The following SEMA4C variants were observed in gnomAD, a reference collection of about 807,000 sequenced individuals.
SEMA4C encodes semaphorin 4C, also known as semaphorin-4C.
SEMA4C carries 19 observed loss-of-function variants against 89.0 expected under a neutral mutation model. The ratio of observed to expected loss-of-function variants is 0.21; its 90% confidence interval spans 0.15 to 0.31. The LOEUF (loss-of-function observed/expected upper bound fraction) is 0.31. Ranked by LOEUF, SEMA4C falls within the 10% of genes least tolerant of loss-of-function variation. The probability of loss-of-function intolerance (pLI) is 1.00; values close to 1 mark genes in which losing one functional copy is unlikely to be tolerated. For synonymous variants in SEMA4C, 428 were observed against 472.7 expected, an observed-to-expected ratio of 0.91 and a Z score of 1.23; for missense variants, 811 against 1,107.0, an observed-to-expected ratio of 0.73 and a Z score of 3.79.
rs1480519200 is a variant in SEMA4C at position 96,865,650 on chromosome 2, G to A, written c.420+16C>T. On this transcript the variant is annotated intron_variant, in intron 5 of 14. Transcript: ENST00000305476. ...GCGGGGGGCTGGGGACACCGAGGTA[G>A]GAGGGCAGCACTCACGACGTAGGTG... is the stretch of plus-strand genomic sequence containing the variant. 1 of 1,612,360 alleles carries A rather than the reference G, an allele frequency of 6.2e-7. No individual in the cohort carries two copies.
In SEMA4C at chr2:96,863,796, T is replaced by TG. The variant is rs747135851; in HGVS notation, c.1331-3dup. 5.6e-6 allele frequency: 9 copies of TG among 1,613,474 alleles called. No individual in the cohort carries two copies. Among genetic ancestry groups the TG allele is most frequent in the Middle Eastern group, 1.6e-4 (1 of 6,084 alleles). On this transcript the variant is annotated splice_region_variant and splice_polypyrimidine_tract_variant and intron_variant, in intron 11 of 14. Transcript: ENST00000305476. ...CAGCCTTGAGCAGCCAGCCGTCTCC[T>TG]GGGGGGTGCAGAGGAGAAGGTGTAA...
In SEMA4C at chr2:96,867,913, G is replaced by A; in HGVS notation, c.-27C>T. On this transcript the variant is annotated 5_prime_UTR_variant, in exon 2 of 15. Transcript: ENST00000305476. ...GCGCACGCCCCGGCTCTGAGCTTCAGGCCAGCTGTCCTGCTGAGGGAAAAG... is the reference window on the plus strand; with the variant it reads ...GCGCACGCCCCGGCTCTGAGCTTCAAGCCAGCTGTCCTGCTGAGGGAAAAG... The A allele has an allele frequency of 6.2e-7, 1 of 1,613,284 alleles. No homozygotes were observed. Among genetic ancestry groups the A allele is most frequent in the Non-Finnish European group, 8.5e-7 (1 of 1,179,992 alleles).
At position 96,864,386 on chromosome 2, in the gene SEMA4C, TCA is replaced by T; in HGVS notation, c.963-6_963-5del. On this transcript the variant is annotated splice_region_variant and splice_polypyrimidine_tract_variant and intron_variant, in intron 9 of 14. Transcript: ENST00000305476. This position sits in a 1 kb window ranked among gnomAD's most constrained non-coding sequence, Gnocchi z 6.3. ...GGCCGACAGGTACATGTCACCCCTG[TCA>T]CAGCGAGAGGGAGCCCAGGGTCAGG... 6.2e-7 allele frequency: 1 copy of T among 1,613,220 alleles called. No individual in the cohort carries two copies. Among genetic ancestry groups the T allele is most frequent in the Non-Finnish European group, 8.5e-7 (1 of 1,179,972 alleles).
Position 96,860,699 on chromosome 2 carries a change from G to T in SEMA4C, c.2429C>A (p.Ala810Glu), listed in dbSNP as rs1321069191. The part of the protein sequence containing the change: ...GGLGHPLPEL[A>E]DELRRKLQQR... ...CTGCAGTTTGCGTCTCAGTTCATCC[G>T]CGAGCTCAGGCAGGGGGTGCCCGAG... Residue 810 changes from alanine to glutamate, a missense_variant, in exon 15 of 15, where the codon GCG becomes GAG. By Grantham distance (107) the Ala-to-Glu change is moderately radical. Coordinates refer to ENST00000305476, the MANE Select transcript of SEMA4C (RefSeq NM_017789.5). 6.2e-7 allele frequency: 1 copy of T among 1,613,406 alleles called. No homozygotes were observed. The highest frequency in any genetic ancestry group is 8.5e-7 in the Non-Finnish European group (1 of 1,179,980).
chr2:96,869,866 C>T lies in SEMA4C; in HGVS notation c.-38+10G>A. 1 of 985,792 alleles carries T rather than the reference C, an allele frequency of 1.0e-6. No homozygotes were observed. The highest frequency in any genetic ancestry group is 1.2e-6 in the Non-Finnish European group (1 of 830,154). 61.1% of individuals were successfully genotyped at this position (985,792 alleles called of 1,614,324 possible). ...CGGCTCCAGCCTCACGCAAGCCCGG[C>T]CTCGCTCACCTATTGCGCGCAGCTC... On this transcript the variant is annotated intron_variant, in intron 1 of 14. Transcript: ENST00000305476.
chr2:96,861,657 G>C lies in SEMA4C; in HGVS notation c.1602-8C>G, dbSNP rs756724503. ...TGCTGGATCAGTAGAGATCTGGTAG[G>C]GGATGTAGGGTACATCAGCAGCCTG... On this transcript the variant is annotated splice_region_variant and splice_polypyrimidine_tract_variant and intron_variant, in intron 13 of 14. Coordinates refer to ENST00000305476, the MANE Select transcript of SEMA4C (RefSeq NM_017789.5). The surrounding 1 kb of genome is among the most constrained non-coding windows in gnomAD (Gnocchi z 7.8). 4.4e-6 allele frequency: 7 copies of C among 1,584,340 alleles called. No homozygotes were observed. The South Asian group carries it at 8.1e-5, about 18-fold the overall frequency.
intron 3 of SEMA4C, 150 bp downstream of exon 3, chr2:96,866,133 G>A (rs1318263766): frequency 7.6e-6 from 9 of 1,187,782 alleles, no homozygotes; most frequent in East Asian, 2.4e-5. Context: ...GAGGAATGCC[G>A]CATGCTGACC....
intron 12 of SEMA4C, chr2:96,863,278 T>G (rs1014344748): frequency 2.1e-5 from 21 of 1,015,932 alleles, no homozygotes; most frequent in Non-Finnish European, 2.2e-5. Flanking sequence ...GTCACGGAAA[T>G]GGGGGCTGGA....
intron 1 of SEMA4C, chr2:96,869,555 G>A (rs1207624016): frequency 1.0e-6 from 1 of 985,192 alleles, no homozygotes; most frequent in African/African-American, 1.7e-5. Flanking sequence ...TCCATCGGGG[G>A]TGGGAGCGCC....
intron 2 of SEMA4C, 76 bp downstream of exon 2, chr2:96,867,702 A>T (rs2153365423): frequency 7.1e-7 from 1 of 1,409,562 alleles, no homozygotes; most frequent in Non-Finnish European, 9.9e-7. Context: ...ACACGTGAGA[A>T]TAAAGCCAGC....
At position 96,861,057 on chromosome 2, in the gene SEMA4C, G is replaced by A. The variant is rs746106575; in HGVS notation, c.2071C>T (p.Arg691Trp). Residue 691 changes from arginine (R) to tryptophan (W), a missense_variant, in exon 15 of 15, where the codon CGG becomes TGG. Around this residue, in one of 4 missense-constraint regions of SEMA4C, gnomAD observed 248 missense variants for 269.0 expected, o/e 0.92. Transcript: ENST00000305476. The surrounding 1 kb of genome is among the most constrained non-coding windows in gnomAD (Gnocchi z 7.8). ...LLVLSLRRRLREELEKGAKAT... is the reference protein window; with the variant it reads ...LLVLSLRRRLWEELEKGAKAT... ...TTGGCCCCTTTCTCCAGCTCTTCCC[G>A]CAGCCGCCGGCGCAATGACAGCACC... 12 of 1,612,542 alleles carry A rather than the reference G, an allele frequency of 7.4e-6. No individual in the cohort carries two copies. Among genetic ancestry groups the A allele is most frequent in the Non-Finnish European group, 9.3e-6 (11 of 1,179,942 alleles).
In SEMA4C at chr2:96,868,771, G is replaced by A. The variant is rs565100624; in HGVS notation, c.-37-848C>T. ...GGAGGTAGGGGCGGGGACGCGAGGG[G>A]GTTCCTCCCGGGCCGCTGGCAACGC... On this transcript the variant is annotated intron_variant, in intron 1 of 14. Transcript: ENST00000305476. 7.2e-5 allele frequency: 71 copies of A among 985,282 alleles called. 1 individual carries two copies. In the South Asian group the frequency reaches 3.0e-3, roughly 41 times the overall value. The allele number at this position is 985,282 out of a possible 1,614,324, so 61.0% of individuals were successfully genotyped here.
Position 96,864,492 on chromosome 2 carries a change from C to A in SEMA4C, c.963-110G>T. The A allele has an allele frequency of 6.7e-7, 1 of 1,502,548 alleles. No homozygotes were observed. Among genetic ancestry groups the A allele is most frequent in the Non-Finnish European group, 9.0e-7 (1 of 1,108,576 alleles). The allele number at this position is 1,502,548 out of a possible 1,614,324, so 93.1% of individuals were successfully genotyped here. A position where few individuals can be genotyped will look rare whatever the true frequency, so the allele number is the denominator to read the frequency against. ...GCCTGGCACAAACTGGCCATGGGTA[C>A]CAGAATGCCCTGGCAGCTCAAGTGC... On this transcript the variant is annotated intron_variant, in intron 9 of 14. Transcript: ENST00000305476. The surrounding 1 kb of genome is among the most constrained non-coding windows in gnomAD (Gnocchi z 6.3).
Position 96,865,554 on chromosome 2 carries a change from A to G in SEMA4C, c.421-17T>C. Reference sequence around the variant, plus strand: ...GAGCATGTTCTAAGGACAGAGAGAGAGGTGATGAGGAGATGCTTAAGGGCA... The same window carrying G: ...GAGCATGTTCTAAGGACAGAGAGAGGGGTGATGAGGAGATGCTTAAGGGCA... On this transcript the variant is annotated splice_polypyrimidine_tract_variant and intron_variant, in intron 5 of 14. Coordinates refer to ENST00000305476, the MANE Select transcript of SEMA4C (RefSeq NM_017789.5). The G allele has an allele frequency of 7.6e-6, 12 of 1,581,116 alleles. No homozygotes were observed. The highest frequency in any genetic ancestry group is 1.0e-5 in the Non-Finnish European group (12 of 1,159,000).
Position 96,865,815 on chromosome 2 carries a change from A to C in SEMA4C, c.322-51T>G. On this transcript the variant is annotated intron_variant, in intron 4 of 14. Coordinates refer to ENST00000305476, the MANE Select transcript of SEMA4C (RefSeq NM_017789.5). ...GTGAGAGCGCGAGGGCCAGAATGGG[A>C]GGAGACGTCCTGGGGTGAAGGCAGC... The C allele has an allele frequency of 2.5e-6, 4 of 1,613,466 alleles. No individual in the cohort carries two copies. In the South Asian group the frequency reaches 4.4e-5, roughly 18 times the overall value.
At chr2:96,868,037 C>G (rs2080121103) in intron 1 of SEMA4C, 114 bp from the exon 2 acceptor site, 2 of 1,362,610 alleles carry the variant, frequency 1.5e-6, no homozygotes, top group African/African-American at 2.9e-5. Context: ...GCCCCGGTGC[C>G]CTCCTTCCCC....
chr2:96,869,448 AC>A (rs1387503925), intron 1 of SEMA4C: 1 of 642,864 alleles, frequency 1.6e-6, no homozygotes, highest in Admixed American at 6.9e-5. Context: ...TTCCGGGACA[AC>A]CCGCCTCCCC....
chr2:96,870,079 C>T lies in SEMA4C; in HGVS notation c.-241G>A. 1.0e-6 allele frequency: 1 copy of T among 968,624 alleles called. No homozygotes were observed. Among genetic ancestry groups the T allele is most frequent in the Non-Finnish European group, 1.2e-6 (1 of 814,602 alleles). The allele number at this position is 968,624 out of a possible 1,614,324, so 60.0% of individuals were successfully genotyped here. ...ACCACGGCGGGCGCCGGCTCTTTCT[C>T]CAGCGCGGCCGCGGCTCTCCGCCCC... is the stretch of plus-strand genomic sequence containing the variant. On this transcript the variant is annotated 5_prime_UTR_variant, in exon 1 of 15. Transcript: ENST00000305476.
chr2:96,862,059 A>T (rs2079959439), intron 12 of SEMA4C, 165 bp from the exon 13 acceptor site: 3 of 733,212 alleles, frequency 4.1e-6, no homozygotes, highest in Non-Finnish European at 6.5e-6. Flanking sequence ...TAGTGCTGAA[A>T]AGGGAACTCT....
Sources: gnomAD v4.1 joint callset for allele counts on GRCh38, gnomAD v4.1.1 for gene constraint, gnomAD v4.1.1 regional missense constraint, Gnocchi (gnomAD v3.1) non-coding constraint, MANE v1.5 for transcripts, NCBI Gene and HGNC (gene_info 2026-07-23, HGNC 2026-07-21) for gene names.